The following GFRA1 variants were observed in gnomAD, a reference collection of about 807,000 sequenced individuals.
GFRA1 encodes GDNF family receptor alpha-1.
A neutral mutation model predicts 51.6 loss-of-function variants in GFRA1; 16 were observed. The ratio of observed to expected loss-of-function variants is 0.31; its 90% confidence interval spans 0.21 to 0.47. The LOEUF (loss-of-function observed/expected upper bound fraction) is 0.47, where lower values mean the gene tolerates loss of function less well. GFRA1 is among the 20% of genes least tolerant of loss of function. The pLI, the probability that GFRA1 is intolerant of heterozygous loss-of-function variation, is 1.00. For missense variants in GFRA1, 530 were observed against 594.3 expected (o/e 0.89, Z 1.13); for synonymous variants, 270 against 241.3 (o/e 1.12, Z -1.10).
Position 116,132,855 on chromosome 10 carries a change from C to CA in GFRA1, c.434-7299dup, listed in dbSNP as rs201689302. 5.5e-3 allele frequency among the ~76,000 whole-genome samples: 835 copies of CA among 152,264 alleles called. 9 individuals are homozygous for CA. The highest frequency in any genetic ancestry group is 0.019 in the African/African-American group (781 of 41,554). ...CTTGGAGTCAAAGCCAGCCCTCCAT[C>CA]AGCTCACACACCGCACGGAGGATCA... On this transcript the variant is annotated intron_variant, in intron 5 of 10. Coordinates refer to ENST00000355422, the MANE Select transcript of GFRA1 (RefSeq NM_005264.8).
intron 4 of GFRA1, among the ~76,000 whole-genome samples, chr10:116,232,448 A>T (rs1236189525): frequency 6.6e-6 from 1 of 152,148 alleles, no homozygotes; most frequent in Non-Finnish European, 1.5e-5. Context: ...ACCTAAAAAA[A>T]GTTCTCGGCC....
intron 4 of GFRA1, among the ~76,000 whole-genome samples, chr10:116,237,682 G>A (rs1966999721): frequency 6.6e-6 from 1 of 151,628 alleles, no homozygotes; most frequent in South Asian, 2.1e-4. Flanking sequence ...CCCCCATGGT[G>A]CCTGTCAAAG....
intron 4 of GFRA1, among the ~76,000 whole-genome samples, chr10:116,215,485 A>C (rs1311216146): frequency 1.3e-5 from 2 of 152,196 alleles, no homozygotes; most frequent in African/African-American, 4.8e-5. Flanking sequence ...GTCAGGAGTC[A>C]ATCTATTAGA....
At chr10:116,105,136 T>C (rs1956959070) in intron 6 of GFRA1, among the ~76,000 whole-genome samples, 1 of 152,180 alleles carries the variant, frequency 6.6e-6, no homozygotes, top group African/African-American at 2.4e-5. Flanking sequence ...AGAAAAGAAA[T>C]GGAAAGTTTT....
chr10:116,180,003 C>T (rs1396510538), intron 5 of GFRA1, among the ~76,000 whole-genome samples: 1 of 152,112 alleles, frequency 6.6e-6, no homozygotes, highest in African/African-American at 2.4e-5. Context: ...ATTTTGTTTC[C>T]CACACTGAGA....
intron 5 of GFRA1, among the ~76,000 whole-genome samples, chr10:116,148,564 C>T (rs1565611088): frequency 1.3e-5 from 2 of 152,106 alleles, no homozygotes; most frequent in African/African-American, 4.8e-5. Flanking sequence ...ACATAGCAGA[C>T]GCCAATAGTC....
chr10:116,235,818 T>C (rs768514795), intron 4 of GFRA1, among the ~76,000 whole-genome samples: 6 of 152,082 alleles, frequency 3.9e-5, no homozygotes, highest in Non-Finnish European at 8.8e-5. Flanking sequence ...TGAGTCCACA[T>C]GAAGAAGAGG....
chr10:116,067,217 T>C (rs1565549872), intron 9 of GFRA1, among the ~76,000 whole-genome samples: 1 of 152,238 alleles, frequency 6.6e-6, no homozygotes, highest in African/African-American at 2.4e-5. Context: ...TCCACTGCAT[T>C]GTCACCTACA....
chr10:116,075,091 C>T (rs2133810534), intron 9 of GFRA1, among the ~76,000 whole-genome samples: 1 of 152,296 alleles, frequency 6.6e-6, no homozygotes, highest in African/African-American at 2.4e-5. Context: ...TTCTGATGGG[C>T]TGGCCTTACT....
intron 9 of GFRA1, among the ~76,000 whole-genome samples, chr10:116,073,704 G>A (rs1955501356): frequency 6.6e-6 from 1 of 152,154 alleles, no homozygotes; most frequent in African/African-American, 2.4e-5. Context: ...TGTTGTCCCT[G>A]ATGAGAAGTG....
rs2072275 is a variant in GFRA1, at chr10:116,096,634, C to A, written c.880+21G>T. The A allele has an allele frequency of 4.5e-6, 6 of 1,336,430 alleles. No homozygotes were observed. In the South Asian group the frequency reaches 4.7e-5, roughly 11 times the overall value. 82.8% of individuals were successfully genotyped at this position (1,336,430 alleles called of 1,614,324 possible). On this transcript the variant is annotated intron_variant, in intron 7 of 10. Coordinates refer to ENST00000355422, the MANE Select transcript of GFRA1 (RefSeq NM_005264.8). ...TATGCAAACCACACTCTTCTCCCATCCTGCTTCTCTCGGATCTTACCAATA... is the reference window on the plus strand; with the variant it reads ...TATGCAAACCACACTCTTCTCCCATACTGCTTCTCTCGGATCTTACCAATA...
chr10:116,131,306 T>G (rs1203290772), intron 5 of GFRA1, among the ~76,000 whole-genome samples: 1 of 152,186 alleles, frequency 6.6e-6, no homozygotes, highest in Non-Finnish European at 1.5e-5. Context: ...ACATTGTTGG[T>G]GGGAATGGAA....
intron 5 of GFRA1, among the ~76,000 whole-genome samples, chr10:116,151,917 C>T (rs80081616): frequency 1.5e-4 from 23 of 152,236 alleles, no homozygotes; most frequent in South Asian, 2.1e-4. Flanking sequence ...TCTTCTACTC[C>T]ACTTTAGGGA....
intron 4 of GFRA1, among the ~76,000 whole-genome samples, chr10:116,252,258 C>T (rs1589913073): frequency 6.6e-6 from 1 of 152,004 alleles, no homozygotes; most frequent in South Asian, 2.1e-4. Flanking sequence ...AGCAGCAAGC[C>T]GAATCCGCAT....
intron 6 of GFRA1, among the ~76,000 whole-genome samples, chr10:116,115,031 A>T (rs901387335): frequency 6.6e-6 from 1 of 152,160 alleles, no homozygotes; most frequent in African/African-American, 2.4e-5. Flanking sequence ...ACTGACAACT[A>T]CTGGGGAAGG....
At chr10:116,153,877 C>A (rs1034519885) in intron 5 of GFRA1, among the ~76,000 whole-genome samples, 2 of 152,012 alleles carry the variant, frequency 1.3e-5, no homozygotes, top group African/African-American at 4.8e-5. Flanking sequence ...TATAAGCACT[C>A]TATAAATCAA....
intron 9 of GFRA1, among the ~76,000 whole-genome samples, chr10:116,076,469 A>G (rs1010004918): frequency 1.3e-5 from 2 of 152,146 alleles, no homozygotes; most frequent in Admixed American, 6.6e-5. Flanking sequence ...TTTCAGGGTG[A>G]TAGAAGAAAG....
chr10:116,074,920 G>A (rs896387981), intron 9 of GFRA1, among the ~76,000 whole-genome samples: 26 of 152,342 alleles, frequency 1.7e-4, no homozygotes, highest in African/African-American at 6.3e-4. Context: ...TTTATTTATA[G>A]TATGTGATCT....
intron 4 of GFRA1, among the ~76,000 whole-genome samples, chr10:116,218,953 G>A (rs549711986): frequency 5.0e-4 from 76 of 151,740 alleles, no homozygotes; most frequent in Non-Finnish European, 1.0e-3. Context: ...TGTCACTGTT[G>A]TACCTCTGAA....
Sources: allele counts gnomAD v4.1 joint callset (sites outside exome capture counted in the v4.1 genomes callset), GRCh38; gene constraint gnomAD v4.1.1; transcripts MANE v1.5; gene names NCBI Gene and HGNC (gene_info 2026-07-23, HGNC 2026-07-21).